Variants in RTN1 observed in about 807,000 individuals in gnomAD.
RTN1 encodes the protein reticulon 1, also known as reticulon-1.
A neutral mutation model predicts 65.5 loss-of-function variants in RTN1; 25 were observed. The observed-to-expected ratio is 0.38, with a 90% confidence interval of 0.28 to 0.53. RTN1 has a LOEUF of 0.53. RTN1 is among the 20% of genes least tolerant of loss of function. The pLI, the probability that RTN1 is intolerant of heterozygous loss-of-function variation, is 0.79. For synonymous variants in RTN1, 471 were observed against 447.6 expected (o/e 1.05, Z -0.66); for missense variants, 983 against 1,025.4 (o/e 0.96, Z 0.57).
At position 59,703,669 on chromosome 14, in the gene RTN1, G is replaced by A. The variant is rs558290137; in HGVS notation, c.1765+23250C>T. Reference sequence around the variant, plus strand: ...CTTGTCTTTCTCCCCCTACAAGAACGTAAGTTCCGTGAGAGCACAAATCTT... The same window carrying A: ...CTTGTCTTTCTCCCCCTACAAGAACATAAGTTCCGTGAGAGCACAAATCTT... On this transcript the variant is annotated intron_variant, in intron 3 of 8. Transcript: ENST00000267484. Among the ~76,000 whole-genome samples, 192 of 152,314 alleles carry A rather than the reference G, an allele frequency of 1.3e-3. 1 individual carries two copies. The highest frequency in any genetic ancestry group is 3.3e-3 in the South Asian group (16 of 4,822).
intron 1 of RTN1, among the ~76,000 whole-genome samples, chr14:59,804,312 G>T (rs1427026284): frequency 6.6e-6 from 1 of 152,066 alleles, no homozygotes; most frequent in Non-Finnish European, 1.5e-5. Context: ...ACATATGGGG[G>T]ATGAATACCA....
chr14:59,775,280 C>T (rs549525655), intron 1 of RTN1, among the ~76,000 whole-genome samples: 41 of 152,148 alleles, frequency 2.7e-4, no homozygotes, highest in Non-Finnish European at 5.4e-4. Context: ...CCTGAATCAC[C>T]TTTTGAGGCC....
intron 1 of RTN1, among the ~76,000 whole-genome samples, chr14:59,848,599 A>G (rs1404416273): frequency 6.6e-6 from 1 of 152,222 alleles, no homozygotes; most frequent in East Asian, 1.9e-4. Flanking sequence ...GTCATACATA[A>G]AAGATCCAAA....
rs1886407772 is a variant in RTN1 at position 59,794,610 on chromosome 14, A to G, written c.242-48129T>C. 6.6e-6 allele frequency among the ~76,000 whole-genome samples: 1 copy of G among 152,208 alleles called. No individual in the cohort carries two copies. The highest frequency in any genetic ancestry group is 1.5e-5 in the Non-Finnish European group (1 of 68,036). On this transcript the variant is annotated intron_variant, in intron 1 of 8. Transcript: ENST00000267484. The surrounding 1 kb of genome is among the most constrained non-coding windows in gnomAD (Gnocchi z 5.1). ...ATGTCTGCTCCATGGTGTTGGGAGC[A>G]AGGTTCTTTCCATCTTGTTGCCCTG...
chr14:59,824,362 A>G (rs755505353), intron 1 of RTN1, among the ~76,000 whole-genome samples: 3 of 152,202 alleles, frequency 2.0e-5, no homozygotes, highest in Non-Finnish European at 4.4e-5. Context: ...TATTTGTGAA[A>G]GAGGGTCTGT....
intron 8 of RTN1, among the ~76,000 whole-genome samples, chr14:59,601,970 C>T (rs987621271): frequency 5.9e-5 from 9 of 152,100 alleles, no homozygotes; most frequent in Non-Finnish European, 8.8e-5. Context: ...CAAGCTGATA[C>T]GTTCAGGCAT....
intron 3 of RTN1, among the ~76,000 whole-genome samples, chr14:59,680,592 G>T (rs1177494811): frequency 6.6e-6 from 1 of 152,160 alleles, no homozygotes; most frequent in Non-Finnish European, 1.5e-5. Context: ...GCCACATAAA[G>T]CTGATGGAAG....
Position 59,600,937 on chromosome 14 carries a change from C to A in RTN1, c.2288+2128G>T, listed in dbSNP as rs532403688. 2.6e-5 allele frequency among the ~76,000 whole-genome samples: 4 copies of A among 152,258 alleles called. No individual in the cohort carries two copies. In the East Asian group the frequency reaches 7.7e-4, roughly 29 times the overall value. On this transcript the variant is annotated intron_variant, in intron 8 of 8. Coordinates refer to ENST00000267484, the MANE Select transcript of RTN1 (RefSeq NM_021136.3). The stretch of plus-strand genomic sequence containing the variant: ...GTCACTTTTATTTGAATTATGATAA[C>A]CTCCTAGCTGATGGCCACATCTCTA...
At position 59,800,897 on chromosome 14, in the gene RTN1, T is replaced by C. The variant is rs1464036490; in HGVS notation, c.242-54416A>G. Among the ~76,000 whole-genome samples the C allele has an allele frequency of 2.7e-5, 4 of 149,982 alleles. 1 individual carries two copies. Among genetic ancestry groups the C allele is most frequent in the Admixed American group, 2.7e-4 (4 of 15,076 alleles). Reference sequence around the variant, plus strand: ...CAGAAAGGAAATTTCACCAGAGGAGTAAAAAATTTTTTTAATATTCTAATG... The same window carrying C: ...CAGAAAGGAAATTTCACCAGAGGAGCAAAAAATTTTTTTAATATTCTAATG... On this transcript the variant is annotated intron_variant, in intron 1 of 8. Transcript: ENST00000267484.
At chr14:59,635,886 TAATG>T (rs1882655700) in intron 3 of RTN1, among the ~76,000 whole-genome samples, 1 of 152,158 alleles carries the variant, frequency 6.6e-6, no homozygotes, top group African/African-American at 2.4e-5. Context: ...TCAGTGTTAA[TAATG>T]AATCTACCTT....
intron 1 of RTN1, among the ~76,000 whole-genome samples, chr14:59,841,310 A>AT (rs1887306977): frequency 6.6e-6 from 1 of 152,216 alleles, no homozygotes; most frequent in Non-Finnish European, 1.5e-5. Context: ...AGAATGAAAA[A>AT]TGGTAGATTT....
At chr14:59,784,823 T>C (rs1448533221) in intron 1 of RTN1, among the ~76,000 whole-genome samples, 1 of 152,222 alleles carries the variant, frequency 6.6e-6, no homozygotes, top group Non-Finnish European at 1.5e-5. Context: ...ACGACACTTT[T>C]GCTTCTGTAA....
At chr14:59,720,252 T>TAAA (rs11414630) in intron 3 of RTN1, among the ~76,000 whole-genome samples, 17 of 150,288 alleles carry the variant, frequency 1.1e-4, no homozygotes, top group African/African-American at 3.9e-4. Flanking sequence ...GCCACCATTT[T>TAAA]AAAAAAAAAA....
chr14:59,754,280 T>A (rs1012543242), intron 1 of RTN1, among the ~76,000 whole-genome samples: 1 of 152,162 alleles, frequency 6.6e-6, no homozygotes, highest in Non-Finnish European at 1.5e-5. Context: ...ACAAATTCAG[T>A]AATCTCATAA....
At chr14:59,612,063 C>CA (rs1362050748) in intron 3 of RTN1, among the ~76,000 whole-genome samples, 6 of 152,186 alleles carry the variant, frequency 3.9e-5, no homozygotes, top group Non-Finnish European at 8.8e-5. Flanking sequence ...TTAAAGACAA[C>CA]AGGGACCAAA....
At position 59,727,615 on chromosome 14, in the gene RTN1, T is replaced by C. The variant is rs35707243; in HGVS notation, c.1069A>G (p.Ile357Val). Reference protein sequence around the residue: ...GKGSISEDELITAIKEAKGLS... With the variant: ...GKGSISEDELVTAIKEAKGLS... ...CCCTTTGCTTCTTTGATGGCGGTGA[T>C]CAGCTCATCCTCGGAGATGCTGCCT... Residue 357 changes from isoleucine (I) to valine (V), a missense_variant, in exon 3 of 9, where the codon ATC becomes GTC. Ile to Val is a conservative substitution (Grantham distance 29). Coordinates refer to ENST00000267484, the MANE Select transcript of RTN1 (RefSeq NM_021136.3). The surrounding 1 kb of genome is among the most constrained non-coding windows in gnomAD (Gnocchi z 4.2). 2.9e-3 allele frequency: 4,616 copies of C among 1,612,624 alleles called. 126 individuals are homozygous for C. The African/African-American group carries it at 0.054, about 19-fold the overall frequency.
chr14:59,707,927 G>A (rs370681777), intron 3 of RTN1, among the ~76,000 whole-genome samples: 2 of 152,258 alleles, frequency 1.3e-5, no homozygotes, highest in East Asian at 3.9e-4. Context: ...AAAAGATAGG[G>A]AATTGCTGCA....
At chr14:59,791,188 T>C (rs1886341207) in intron 1 of RTN1, among the ~76,000 whole-genome samples, 1 of 152,222 alleles carries the variant, frequency 6.6e-6, no homozygotes, top group African/African-American at 2.4e-5. Flanking sequence ...CTCTCTTTTG[T>C]TTCCCTTCTT....
rs1388700764 is a variant in RTN1, at chr14:59,745,742, G to A, written c.981C>T (p.Ser327=). 1 of 1,613,326 alleles carries A rather than the reference G, an allele frequency of 6.2e-7. No homozygotes were observed. Among genetic ancestry groups the A allele is most frequent in the Admixed American group, 1.7e-5 (1 of 59,942 alleles). Residue 327 remains serine, a synonymous_variant, in exon 2 of 9, where the codon AGC becomes AGT. Transcript: ENST00000267484. The stretch of plus-strand genomic sequence containing the variant: ...AAGATGGAGGGGTGATAGATCCTGG[G>A]CTGTCGTCTTCAGGCTCCGAGACAG... ...TVTVSEPEDD[S]PGSITPPSSG... is the part of the protein sequence containing the mutation.
Sources: allele counts gnomAD v4.1 joint callset (sites outside exome capture counted in the v4.1 genomes callset), GRCh38; gene constraint gnomAD v4.1.1; non-coding constraint Gnocchi (gnomAD v3.1); transcripts MANE v1.5; gene names NCBI Gene and HGNC (gene_info 2026-07-23, HGNC 2026-07-21).